Variants in MAGI2 observed in about 807,000 individuals in gnomAD.
MAGI2 encodes the protein membrane associated guanylate kinase, WW and PDZ domain containing 2, also known as membrane-associated guanylate kinase, WW and PDZ domain-containing protein 2.
A neutral mutation model predicts 133.3 loss-of-function variants in MAGI2; 35 were observed. The observed-to-expected ratio is 0.26, with a 90% CI of 0.20 to 0.35. The LOEUF is 0.35. MAGI2 is among the 10% of genes least tolerant of loss of function. MAGI2 has a pLI of 1.00. For synonymous variants in MAGI2, 729 were observed against 710.6 expected, an observed-to-expected ratio of 1.03 and a Z score of -0.41; for missense variants, 1,636 against 1,863.4, an observed-to-expected ratio of 0.88 and a Z score of 2.25.
chr7:78,829,845 G>C (rs473977), intron 2 of MAGI2, among the ~76,000 whole-genome samples: 62,154 of 151,814 alleles, frequency 0.41, 13,142 homozygotes, highest in Admixed American at 0.49. Context: ...TGAGAAGAAT[G>C]TATCCAAAGT....
At chr7:78,390,538 G>GTT (rs1189268903) in intron 6 of MAGI2, among the ~76,000 whole-genome samples, 1 of 149,652 alleles carries the variant, frequency 6.7e-6, no homozygotes, top group Non-Finnish European at 1.5e-5. Context: ...ACTTGGGCAT[G>GTT]TTATGGTAGA....
At chr7:78,530,934 A>G (rs1797415215) in intron 3 of MAGI2, among the ~76,000 whole-genome samples, 1 of 152,136 alleles carries the variant, frequency 6.6e-6, no homozygotes, top group African/African-American at 2.4e-5. Flanking sequence ...TTGGGAAATA[A>G]CTAGTCAACC....
intron 1 of MAGI2, among the ~76,000 whole-genome samples, chr7:79,301,922 C>T (rs12706106): frequency 0.93 from 141,738 of 152,184 alleles, 66,370 homozygotes; most frequent in Non-Finnish European, 0.98. Flanking sequence ...CACCTCTCCC[C>T]AGCTTTCTCT....
chr7:78,684,105 T>TATAA (rs1313771871), intron 2 of MAGI2, among the ~76,000 whole-genome samples: 1 of 152,182 alleles, frequency 6.6e-6, no homozygotes, highest in Non-Finnish European at 1.5e-5. Flanking sequence ...ATATAGTATG[T>TATAA]ATATAATAAG....
At chr7:78,863,543 G>A (rs1246038953) in intron 2 of MAGI2, among the ~76,000 whole-genome samples, 2 of 152,284 alleles carry the variant, frequency 1.3e-5, no homozygotes, top group Middle Eastern at 3.4e-3. Flanking sequence ...ATTCATGAGG[G>A]ATTTTCTCCC....
At chr7:78,111,698 T>C (rs3807732) in intron 20 of MAGI2, among the ~76,000 whole-genome samples, 5,776 of 152,346 alleles carry the variant, frequency 0.038, 131 homozygotes, top group East Asian at 0.065. Context: ...GTGAGAGGCT[T>C]TTCTTTTCCT....
intron 21 of MAGI2, among the ~76,000 whole-genome samples, chr7:78,039,302 A>C (rs1488453233): frequency 6.6e-6 from 1 of 152,210 alleles, no homozygotes; most frequent in Non-Finnish European, 1.5e-5. Context: ...TTAAATAAGC[A>C]TTTATTCAGT....
chr7:78,639,153 T>G (rs946506718), intron 2 of MAGI2, among the ~76,000 whole-genome samples: 2 of 152,304 alleles, frequency 1.3e-5, no homozygotes, highest in African/African-American at 4.8e-5. Context: ...GACATTAACT[T>G]TTAGTATCAC....
intron 3 of MAGI2, among the ~76,000 whole-genome samples, chr7:78,523,207 C>A (rs1272882672): frequency 6.6e-6 from 1 of 152,180 alleles, no homozygotes; most frequent in Non-Finnish European, 1.5e-5. Context: ...GGCTCAATTT[C>A]TTCATCTGTA....
chr7:78,892,770 A>G (rs947554708), intron 2 of MAGI2, among the ~76,000 whole-genome samples: 1 of 152,212 alleles, frequency 6.6e-6, no homozygotes, highest in African/African-American at 2.4e-5. Context: ...CAAAACCATA[A>G]AAACCCTAGA....
At chr7:78,743,857 T>G (rs1822663136) in intron 2 of MAGI2, among the ~76,000 whole-genome samples, 1 of 152,186 alleles carries the variant, frequency 6.6e-6, no homozygotes. Context: ...GGGAAGGCCT[T>G]CTTACCATTC....
chr7:78,409,271 G>A (rs1019686683), intron 6 of MAGI2, among the ~76,000 whole-genome samples: 23 of 151,964 alleles, frequency 1.5e-4, no homozygotes, highest in Admixed American at 8.5e-4. Context: ...TTTCTACAGC[G>A]CAGAATGCTC....
chr7:79,209,028 G>A (rs1381669158), intron 1 of MAGI2, among the ~76,000 whole-genome samples: 1 of 151,822 alleles, frequency 6.6e-6, no homozygotes, highest in Non-Finnish European at 1.5e-5. Context: ...GGTGGTCGTC[G>A]GGGCAGGGGG....
chr7:79,147,527 AC>A (rs935998163), intron 1 of MAGI2, among the ~76,000 whole-genome samples: 2 of 152,180 alleles, frequency 1.3e-5, no homozygotes, highest in African/African-American at 4.8e-5. Context: ...TGCACAGATG[AC>A]ACAGGAGGGT....
rs776325520 is a variant in MAGI2 at position 78,198,079 on chromosome 7, TG to T, written c.2080-3017del. ...GATCCTGTCGCCTTACTGAGGTCGA[TG>T]GGCCTCACTTGCTCTGGCTAGCATC... On this transcript the variant is annotated intron_variant, in intron 11 of 21. Transcript: ENST00000354212. Among the ~76,000 whole-genome samples, 9 of 152,338 alleles carry T rather than the reference TG, an allele frequency of 5.9e-5. No homozygotes were observed. The East Asian group carries it at 1.7e-3, about 29-fold the overall frequency.
intron 9 of MAGI2, among the ~76,000 whole-genome samples, chr7:78,309,172 C>G (rs945904743): frequency 2.0e-5 from 3 of 152,192 alleles, no homozygotes; most frequent in Non-Finnish European, 4.4e-5. Flanking sequence ...TTTGACCCCG[C>G]AATCCCATTA....
intron 6 of MAGI2, among the ~76,000 whole-genome samples, chr7:78,432,721 C>A (rs557446580): frequency 2.6e-5 from 4 of 151,762 alleles, no homozygotes; most frequent in Non-Finnish European, 5.9e-5. Context: ...TATAGTTTAT[C>A]GACCTCCTAT....
At chr7:78,373,035 C>T (rs1172830414) in intron 6 of MAGI2, among the ~76,000 whole-genome samples, 1 of 152,076 alleles carries the variant, frequency 6.6e-6, no homozygotes, top group Non-Finnish European at 1.5e-5. Context: ...GTTGCCCAAG[C>T]TGAACTCAAA....
intron 3 of MAGI2, among the ~76,000 whole-genome samples, chr7:78,540,647 T>C (rs567264173): frequency 2.0e-5 from 3 of 152,130 alleles, no homozygotes; most frequent in South Asian, 4.2e-4. Context: ...GACTACAAAG[T>C]TCAGCTGAAA....
Sources: allele counts gnomAD v4.1 joint callset (sites outside exome capture counted in the v4.1 genomes callset), GRCh38; gene constraint gnomAD v4.1.1; transcripts MANE v1.5; gene names NCBI Gene and HGNC (gene_info 2026-07-23, HGNC 2026-07-21).